ERBB4: variants seen among roughly 807,000 people sequenced by gnomAD.
ERBB4 encodes erb-b2 receptor tyrosine kinase 4, also known as receptor tyrosine-protein kinase erbB-4.
ERBB4 carries 42 observed loss-of-function variants against 158.0 expected under a neutral mutation model. That is an observed-to-expected ratio of 0.27 (90% CI 0.21 to 0.34). The LOEUF is 0.34. Ranked by LOEUF, ERBB4 falls within the 10% of genes least tolerant of loss-of-function variation. The probability of loss-of-function intolerance (pLI) is 1.00; values close to 1 mark genes in which losing one functional copy is unlikely to be tolerated. For synonymous variants in ERBB4, 583 were observed against 558.7 expected, an observed-to-expected ratio of 1.04 and a Z score of -0.61; for missense variants, 1,333 against 1,624.1, an observed-to-expected ratio of 0.82 and a Z score of 3.08.
chr2:211,716,723 A>C (rs577579457), intron 7 of ERBB4, among the ~76,000 whole-genome samples: 36 of 152,156 alleles, frequency 2.4e-4, no homozygotes, highest in Admixed American at 5.2e-4. Flanking sequence ...AAAAAAACAA[A>C]AAAAAAAGAA....
chr2:211,396,979 G>C (rs765511116), intron 25 of ERBB4, among the ~76,000 whole-genome samples: 6 of 152,166 alleles, frequency 3.9e-5, no homozygotes, highest in Non-Finnish European at 5.9e-5. Flanking sequence ...ATAATGTACT[G>C]TGAATACTCT....
At chr2:211,912,806 G>A (rs887194567) in intron 3 of ERBB4, among the ~76,000 whole-genome samples, 8 of 152,192 alleles carry the variant, frequency 5.3e-5, no homozygotes, top group Admixed American at 4.6e-4. Context: ...AGATCTAGGA[G>A]AGGTTAACTG....
chr2:211,598,916 G>A (rs2068716002), intron 19 of ERBB4, among the ~76,000 whole-genome samples: 1 of 152,152 alleles, frequency 6.6e-6, no homozygotes, highest in Non-Finnish European at 1.5e-5. Flanking sequence ...ACATTTTTGA[G>A]TCATGCCATA....
intron 18 of ERBB4, 85 bp downstream of exon 18, chr2:211,623,837 G>A: frequency 7.5e-7 from 1 of 1,338,054 alleles, no homozygotes. Context: ...AAATTAGGTT[G>A]TCTAAAGTAA....
intron 3 of ERBB4, among the ~76,000 whole-genome samples, chr2:211,824,735 ACC>A (rs1426125911): frequency 6.6e-6 from 1 of 151,978 alleles, no homozygotes; most frequent in African/African-American, 2.4e-5. Context: ...AATTAAAAAG[ACC>A]GAAAATAATT....
intron 3 of ERBB4, among the ~76,000 whole-genome samples, chr2:211,899,567 TA>T (rs1270235615): frequency 6.6e-6 from 1 of 152,144 alleles, no homozygotes; most frequent in Non-Finnish European, 1.5e-5. Flanking sequence ...AGCAGACCTG[TA>T]AAATTAGACA....
At chr2:212,316,843 T>C (rs915337049) in intron 1 of ERBB4, among the ~76,000 whole-genome samples, 2 of 151,550 alleles carry the variant, frequency 1.3e-5, no homozygotes, top group Non-Finnish European at 3.0e-5. Flanking sequence ...ATGAGAATTA[T>C]GTCTGTTTCA....
chr2:212,288,142 T>G (rs1009521226), intron 1 of ERBB4, among the ~76,000 whole-genome samples: 9 of 152,118 alleles, frequency 5.9e-5, no homozygotes, highest in Non-Finnish European at 1.0e-4. Flanking sequence ...CCTGCTGACA[T>G]GAGACATGGT....
rs1553641395 is a variant in ERBB4 at position 212,446,625 on chromosome 2, A to ATATATATG, written c.82+91823_82+91824insCATATATA. On this transcript the variant is annotated intron_variant, in intron 1 of 27. Coordinates refer to ENST00000342788, the MANE Select transcript of ERBB4 (RefSeq NM_005235.3). ...TATATATATATATATATATATATAT[A>ATATATATG]TATATATATATATCCTATTAGTTCT... is the stretch of plus-strand genomic sequence containing the variant. Among the ~76,000 whole-genome samples, 9 of 82,184 alleles carry ATATATATG rather than the reference A, an allele frequency of 1.1e-4. No homozygotes were observed. In the East Asian group the frequency reaches 3.2e-3, roughly 30 times the overall value. 53.9% of individuals were successfully genotyped at this position (82,184 alleles called of 152,430 possible).
intron 3 of ERBB4, among the ~76,000 whole-genome samples, chr2:211,863,983 G>A (rs1258996069): frequency 6.6e-6 from 1 of 152,126 alleles, no homozygotes; most frequent in Admixed American, 6.5e-5. Flanking sequence ...GTGAGCCTCT[G>A]TTAGAAGCAT....
At chr2:212,398,521 A>G (rs2091096262) in intron 1 of ERBB4, among the ~76,000 whole-genome samples, 1 of 152,172 alleles carries the variant, frequency 6.6e-6, no homozygotes, top group Non-Finnish European at 1.5e-5. Flanking sequence ...TGTTAATTAA[A>G]TTTTATTGTC....
chr2:212,184,333 A>G (rs1346404588), intron 1 of ERBB4, among the ~76,000 whole-genome samples: 2 of 152,086 alleles, frequency 1.3e-5, no homozygotes, highest in African/African-American at 2.4e-5. Flanking sequence ...TTCAACTGTT[A>G]TTAATCACCC....
At chr2:211,989,515 G>A (rs187814204) in intron 2 of ERBB4, among the ~76,000 whole-genome samples, 6 of 151,628 alleles carry the variant, frequency 4.0e-5, no homozygotes, top group Admixed American at 3.9e-4. Context: ...TATTTCTTCT[G>A]TTTAATCAAT....
At chr2:212,454,375 G>A (rs1222029371) in intron 1 of ERBB4, among the ~76,000 whole-genome samples, 1 of 152,230 alleles carries the variant, frequency 6.6e-6, no homozygotes, top group African/African-American at 2.4e-5. Flanking sequence ...CATATTGAAA[G>A]ACTCAATGAA....
intron 16 of ERBB4, among the ~76,000 whole-genome samples, chr2:211,643,762 G>A (rs1205150534): frequency 2.0e-5 from 3 of 151,986 alleles, no homozygotes; most frequent in East Asian, 3.9e-4. Flanking sequence ...GGGGACAGGG[G>A]TGGGAGGAAG....
At chr2:211,504,951 GA>G (rs1201893869) in intron 20 of ERBB4, among the ~76,000 whole-genome samples, 1 of 152,092 alleles carries the variant, frequency 6.6e-6, no homozygotes, top group Non-Finnish European at 1.5e-5. Flanking sequence ...TATAGCATAT[GA>G]AAAGCAACCA....
At chr2:212,136,952 T>TA (rs1301842560) in intron 1 of ERBB4, among the ~76,000 whole-genome samples, 1 of 151,990 alleles carries the variant, frequency 6.6e-6, no homozygotes, top group East Asian at 1.9e-4. Context: ...TTCTCTTGGA[T>TA]AAAAAACAAA....
At chr2:211,925,341 G>A (rs1319102248) in intron 3 of ERBB4, among the ~76,000 whole-genome samples, 1 of 139,910 alleles carries the variant, frequency 7.1e-6, no homozygotes, top group East Asian at 2.3e-4. Flanking sequence ...TTTGAAGGAT[G>A]TAATAAAATC....
chr2:211,895,166 A>T (rs561546613), intron 3 of ERBB4, among the ~76,000 whole-genome samples: 18 of 152,296 alleles, frequency 1.2e-4, no homozygotes, highest in Middle Eastern at 6.8e-3. Context: ...ATGAATGTGA[A>T]CTGGAAATGA....
Sources: gnomAD v4.1 joint callset for allele counts (sites outside exome capture counted in the v4.1 genomes callset) on GRCh38, gnomAD v4.1.1 for gene constraint, MANE v1.5 for transcripts, NCBI Gene and HGNC (gene_info 2026-07-23, HGNC 2026-07-21) for gene names.